Variants in NKD2 observed in about 807,000 individuals in gnomAD.
NKD2 encodes NKD inhibitor of Wnt signaling pathway 2, also known as protein naked cuticle homolog 2.
Under a neutral mutation model 34.8 loss-of-function variants are expected in NKD2, and 43 were observed. The observed-to-expected ratio is 1.24, with a 90% confidence interval of 0.97 to 1.60. The LOEUF is 1.60. Among genes scored for constraint, NKD2 ranks in the 40% most tolerant of loss-of-function variants. NKD2 has a pLI of 0.00. For missense variants in NKD2, 675 were observed against 627.1 expected, an observed-to-expected ratio of 1.08 and a Z score of -0.82; for synonymous variants, 278 against 265.1, an observed-to-expected ratio of 1.05 and a Z score of -0.47.
At chr5:1,030,292 C>T (rs1293809621) in intron 3 of NKD2, among the ~76,000 whole-genome samples, 5 of 151,638 alleles carry the variant, frequency 3.3e-5, no homozygotes, top group African/African-American at 4.9e-5. Flanking sequence ...GGCCTTGGCC[C>T]CCCTCCGCAG....
At chr5:1,021,727 G>C (rs1428306678) in intron 3 of NKD2, among the ~76,000 whole-genome samples, 1 of 151,796 alleles carries the variant, frequency 6.6e-6, no homozygotes, top group African/African-American at 2.4e-5. Context: ...GGCAGAAGTG[G>C]GCCCCCGGCA....
intron 3 of NKD2, among the ~76,000 whole-genome samples, chr5:1,028,099 G>T (rs996109979): frequency 6.6e-6 from 1 of 152,224 alleles, no homozygotes; most frequent in Non-Finnish European, 1.5e-5. Context: ...GCCTGTGGAG[G>T]CTGTGGTTTG....
Position 1,009,397 on chromosome 5 carries a change from G to A in NKD2, c.62-84G>A. The stretch of plus-strand genomic sequence containing the variant: ...GGTCTCCAGGCGATGGGGACACAGC[G>A]AAGGCGCAGCGCCCGCGGGGCTCAC... On this transcript the variant is annotated intron_variant, in intron 2 of 9. Coordinates refer to ENST00000296849, the MANE Select transcript of NKD2 (RefSeq NM_033120.4). The surrounding 1 kb of genome is among the most constrained non-coding windows in gnomAD (Gnocchi z 6.9). 8.2e-7 allele frequency: 1 copy of A among 1,216,080 alleles called. No individual in the cohort carries two copies. Among genetic ancestry groups the A allele is most frequent in the Admixed American group, 2.5e-5 (1 of 40,536 alleles). The allele number at this position is 1,216,080 out of a possible 1,614,324, so 75.3% of individuals were successfully genotyped here.
chr5:1,015,765 A>G (rs1755926423), intron 3 of NKD2, among the ~76,000 whole-genome samples: 1 of 152,056 alleles, frequency 6.6e-6, no homozygotes, highest in Non-Finnish European at 1.5e-5. Flanking sequence ...GTGGAACCCG[A>G]GGGGGCCTGT....
At chr5:1,036,531 G>A (rs1192722134) in intron 9 of NKD2, 147 bp downstream of exon 9, 5 of 606,320 alleles carry the variant, frequency 8.2e-6, no homozygotes, top group East Asian at 3.2e-5. Context: ...CACCCAGGAC[G>A]GCACCCAGGT....
chr5:1,012,605 G>A (rs1451623428), intron 3 of NKD2, among the ~76,000 whole-genome samples: 1 of 152,264 alleles, frequency 6.6e-6, no homozygotes, highest in African/African-American at 2.4e-5. Context: ...ACTGGCCTCT[G>A]GCTTCCAGCA....
chr5:1,034,269 A>G lies in NKD2; in HGVS notation c.365A>G (p.Asp122Gly). 6.2e-7 allele frequency: 1 copy of G among 1,610,248 alleles called. No homozygotes were observed. Among genetic ancestry groups the G allele is most frequent in the East Asian group, 2.2e-5 (1 of 44,590 alleles). The change falls in exon 6 of 10, where the codon GAC (aspartate) becomes GGC (glycine). Residue 122 changes from aspartate to glycine, a missense_variant. Asp to Gly is a moderately conservative substitution (Grantham distance 94). Transcript: ENST00000296849. Reference sequence around the variant, plus strand: ...TGCGATGTCTCGGTGGAGGAGGACGACCGCCAGGAGTGGACGTTCACGCTC... The same window carrying G: ...TGCGATGTCTCGGTGGAGGAGGACGGCCGCCAGGAGTGGACGTTCACGCTC... ...LQCDVSVEED[D>G]RQEWTFTLYD...
chr5:1,014,303 C>A (rs1355871929), intron 3 of NKD2, among the ~76,000 whole-genome samples: 2 of 152,236 alleles, frequency 1.3e-5, no homozygotes, highest in Non-Finnish European at 2.9e-5. Context: ...GGAAACCAAT[C>A]ATCAGCCCTG....
chr5:1,022,581 G>T (rs1181659190), intron 3 of NKD2, among the ~76,000 whole-genome samples: 3 of 39,584 alleles, frequency 7.6e-5, no homozygotes, highest in African/African-American at 1.3e-4. Flanking sequence ...CTTCCCACCC[G>T]CTGTGGGCGT....
In NKD2 at chr5:1,029,243, A is replaced by G; in HGVS notation, c.142-2909A>G. ...AACACTGTGCGTTCGAGCGCTGAGAATTCTAGGGAATAAGGGGATATTTTT... is the reference window on the plus strand; with the variant it reads ...AACACTGTGCGTTCGAGCGCTGAGAGTTCTAGGGAATAAGGGGATATTTTT... On this transcript the variant is annotated intron_variant, in intron 3 of 9. Transcript: ENST00000296849. Among the ~76,000 whole-genome samples, 3 of 152,172 alleles carry G rather than the reference A, an allele frequency of 2.0e-5. 1 individual carries two copies. The highest frequency in any genetic ancestry group is 1.5e-5 in the Non-Finnish European group (1 of 68,032).
chr5:1,015,199 C>T (rs1755900435), intron 3 of NKD2, among the ~76,000 whole-genome samples: 2 of 152,204 alleles, frequency 1.3e-5, no homozygotes, highest in Non-Finnish European at 2.9e-5. Flanking sequence ...ATGCTGTGGG[C>T]CTGATTCGTA....
At chr5:1,010,700 T>C (rs913188785) in intron 3 of NKD2, among the ~76,000 whole-genome samples, 1 of 152,214 alleles carries the variant, frequency 6.6e-6, no homozygotes, top group Non-Finnish European at 1.5e-5. Context: ...CCAATCTGGC[T>C]CTCTCTGCCA....
intron 3 of NKD2, among the ~76,000 whole-genome samples, chr5:1,015,691 A>C (rs1443895750): frequency 6.6e-6 from 1 of 152,236 alleles, no homozygotes; most frequent in Non-Finnish European, 1.5e-5. Flanking sequence ...CTGCCCGCAC[A>C]TGCTGCCGCC....
intron 4 of NKD2, 60 bp from the exon 5 acceptor site, chr5:1,033,312 G>A: frequency 6.7e-7 from 1 of 1,485,830 alleles, no homozygotes; most frequent in Non-Finnish European, 9.1e-7. Flanking sequence ...GGTCCCCAAT[G>A]GCGGGCCACA....
In NKD2 at chr5:1,036,246, G is replaced by A. The variant is rs1282252456; in HGVS notation, c.660-11G>A. The stretch of plus-strand genomic sequence containing the variant: ...GTGCGGGGGTCAGGCCCTTCTCTGT[G>A]CTCCAAGCAGGAGGCCCAGTACTGA... On this transcript the variant is annotated splice_polypyrimidine_tract_variant and intron_variant, in intron 8 of 9. Coordinates refer to ENST00000296849, the MANE Select transcript of NKD2 (RefSeq NM_033120.4). 6 of 1,585,878 alleles carry A rather than the reference G, an allele frequency of 3.8e-6. No homozygotes were observed. In the South Asian group the frequency reaches 6.9e-5, roughly 18 times the overall value.
At chr5:1,022,294 C>A (rs1386007728) in intron 3 of NKD2, among the ~76,000 whole-genome samples, 4 of 107,406 alleles carry the variant, frequency 3.7e-5, no homozygotes, top group African/African-American at 1.3e-4. Flanking sequence ...TTCCCACCCG[C>A]TGTGGGTGTC....
chr5:1,009,550 G>T lies in NKD2; in HGVS notation c.131G>T (p.Arg44Leu). Residue 44 changes from arginine (R) to leucine (L), a missense_variant, in exon 3 of 10, where the codon CGG (arginine) becomes CTG (leucine). Arg to Leu is a moderately radical substitution (Grantham distance 102, BLOSUM62 -2). Coordinates refer to ENST00000296849, the MANE Select transcript of NKD2 (RefSeq NM_033120.4). This position sits in a 1 kb window ranked among gnomAD's most constrained non-coding sequence, Gnocchi z 6.9. Reference protein sequence around the residue: ...KGAEEAERRARDKQELPNGDP... With the variant: ...KGAEEAERRALDKQELPNGDP... ...GCGGAGGAAGCGGAGCGGCGCGCGCGGGACAAGCAGGTAGGCGGCGGGGCG... is the reference window on the plus strand; with the variant it reads ...GCGGAGGAAGCGGAGCGGCGCGCGCTGGACAAGCAGGTAGGCGGCGGGGCG... 6.7e-7 allele frequency: 1 copy of T among 1,486,318 alleles called. No individual in the cohort carries two copies. Among genetic ancestry groups the T allele is most frequent in the South Asian group, 1.3e-5 (1 of 78,638 alleles). 92.1% of individuals were successfully genotyped at this position (1,486,318 alleles called of 1,614,324 possible).
intron 3 of NKD2, among the ~76,000 whole-genome samples, chr5:1,021,424 C>G (rs901891923): frequency 9.8e-4 from 140 of 143,352 alleles, no homozygotes; most frequent in East Asian, 1.7e-3. Context: ...CCCAGCCCCC[C>G]CCAGCCCCTC....
rs183884352 is a variant in NKD2, at chr5:1,020,341, A to G, written c.141+10781A>G. ...AGTACACACGTGTATACATACATGT[A>G]TAGAGGTTACACACACATGTACGTA... On this transcript the variant is annotated intron_variant, in intron 3 of 9. Coordinates refer to ENST00000296849, the MANE Select transcript of NKD2 (RefSeq NM_033120.4). Among the ~76,000 whole-genome samples, 33 of 152,288 alleles carry G rather than the reference A, an allele frequency of 2.2e-4. No homozygotes were observed. The East Asian group carries it at 5.6e-3, about 26-fold the overall frequency.
Sources: gnomAD v4.1 joint callset for allele counts (sites outside exome capture counted in the v4.1 genomes callset) on GRCh38, gnomAD v4.1.1 for gene constraint, Gnocchi (gnomAD v3.1) non-coding constraint, MANE v1.5 for transcripts, NCBI Gene and HGNC (gene_info 2026-07-23, HGNC 2026-07-21) for gene names.